Variants in RAPH1 observed in about 807,000 individuals in gnomAD.
RAPH1 encodes the protein Ras association (RalGDS/AF-6) and pleckstrin homology domains 1, also known as ras-associated and pleckstrin homology domains-containing protein 1.
Under a neutral mutation model 88.1 loss-of-function variants are expected in RAPH1, and 18 were observed. The observed-to-expected ratio is 0.20, with a 90% CI of 0.14 to 0.30. The LOEUF (loss-of-function observed/expected upper bound fraction) is 0.30, where lower values mean the gene tolerates loss of function less well. RAPH1 is among the 10% of genes least tolerant of loss of function. RAPH1 has a pLI of 1.00. For synonymous variants in RAPH1, 587 were observed against 559.0 expected (o/e 1.05, Z -0.71); for missense variants, 1,448 against 1,543.2 (o/e 0.94, Z 1.03).
intron 1 of RAPH1, among the ~76,000 whole-genome samples, chr2:203,501,913 T>C (rs947909328): frequency 7.9e-5 from 12 of 151,972 alleles, no homozygotes; most frequent in African/African-American, 2.9e-4. Flanking sequence ...CCTGCAGCCT[T>C]GACCTTCTGG....
intron 1 of RAPH1, among the ~76,000 whole-genome samples, chr2:203,514,744 C>G (rs769236312): frequency 7.4e-4 from 113 of 151,874 alleles, no homozygotes; most frequent in Admixed American, 1.7e-3. Flanking sequence ...TTAGTAGAGA[C>G]GAGGTTTCAC....
At chr2:203,446,470 A>G (rs1206525257) in intron 12 of RAPH1, 2 of 152,234 alleles carry the variant, frequency 1.3e-5, no homozygotes, top group African/African-American at 4.8e-5. Flanking sequence ...GAAGCAAGTC[A>G]CTAAGCACAG....
In RAPH1 at chr2:203,440,524, T is replaced by C. The variant is rs1021635100; in HGVS notation, c.2666A>G (p.Asn889Ser). 3 of 1,534,450 alleles carry C rather than the reference T, an allele frequency of 2.0e-6. No homozygotes were observed. The highest frequency in any genetic ancestry group is 2.1e-5 in the Admixed American group (1 of 48,134). The change falls in exon 14 of 14, where the codon AAT (asparagine) becomes AGT (serine). Residue 889 changes from asparagine (N) to serine (S), a missense_variant. Physicochemically the swap from Asn to Ser is conservative, Grantham distance 46. This residue lies in a region of RAPH1 where 935 missense variants were observed against 890.1 expected (regional missense o/e 1.05). Transcript: ENST00000319170. ...TGCAGGAGGGGACTGTGGAGCTACA[T>C]TTGCTGGGACAGGCTTTAAGGGCTG... is the stretch of plus-strand genomic sequence containing the variant. ...ESQPLKPVPA[N>S]VAPQSPPAVK...
chr2:203,490,069 T>C lies in RAPH1; in HGVS notation c.247A>G (p.Thr83Ala). 6.2e-7 allele frequency: 1 copy of C among 1,610,976 alleles called. No homozygotes were observed. Among genetic ancestry groups the C allele is most frequent in the East Asian group, 2.2e-5 (1 of 44,830 alleles). Residue 83 changes from threonine (T) to alanine (A), a missense_variant, in exon 4 of 14, where the codon ACT becomes GCT. Thr to Ala is a moderately conservative substitution (Grantham distance 58, BLOSUM62 0). This residue lies in a region of RAPH1 where 513 missense variants were observed against 653.1 expected (regional missense o/e 0.79). Coordinates refer to ENST00000319170, the MANE Select transcript of RAPH1 (RefSeq NM_213589.3). The part of the protein sequence containing the change: ...NLNEALNQGE[T>A]VDLDALMADL... ...GCCATCAAGGCATCCAGATCCACAG[T>C]CTCTCCCTGATTCAGAGCTTCTGCA...
chr2:203,453,545 CAAAAAAAAAAAAAAAA>C (rs59304139), intron 10 of RAPH1, among the ~76,000 whole-genome samples: 4 of 28,274 alleles, frequency 1.4e-4, no homozygotes, highest in Non-Finnish European at 1.9e-4. Flanking sequence ...GACCCTGCCT[CAAAAAAAAAAAAAAAA>C]AAAAAAAAAA....
chr2:203,510,371 G>A (rs1323797221), intron 1 of RAPH1, among the ~76,000 whole-genome samples: 3 of 147,868 alleles, frequency 2.0e-5, no homozygotes, highest in South Asian at 2.2e-4. Context: ...GTCCTCTTGA[G>A]GTTCTTGAGG....
At position 203,435,656 on chromosome 2, in the gene RAPH1, G is replaced by T. The variant is rs954138743; in HGVS notation, c.*3781C>A. 2 of 152,106 alleles carry T rather than the reference G, an allele frequency of 1.3e-5. No individual in the cohort carries two copies. Among genetic ancestry groups the T allele is most frequent in the Non-Finnish European group, 2.9e-5 (2 of 68,024 alleles). 9.4% of individuals were successfully genotyped at this position (152,106 alleles called of 1,614,324 possible). ...AGGCATCACATTGATAACCATACAGGATCCTATGGGTTTAACTGGTCTAAA... is the reference window on the plus strand; with the variant it reads ...AGGCATCACATTGATAACCATACAGTATCCTATGGGTTTAACTGGTCTAAA... On this transcript the variant is annotated 3_prime_UTR_variant, in exon 14 of 14. Transcript: ENST00000319170.
chr2:203,523,269 T>C (rs929404021), intron 1 of RAPH1, among the ~76,000 whole-genome samples: 6 of 151,772 alleles, frequency 4.0e-5, no homozygotes, highest in African/African-American at 1.2e-4. Flanking sequence ...GGCGGGCGCC[T>C]GTAGTCCCAG....
rs968293708 is a variant in RAPH1, at chr2:203,435,683, T to G, written c.*3754A>C. On this transcript the variant is annotated 3_prime_UTR_variant, in exon 14 of 14. Coordinates refer to ENST00000319170, the MANE Select transcript of RAPH1 (RefSeq NM_213589.3). ...TCCTATGGGTTTAACTGGTCTAAAC[T>G]TGAGTGGATTAAATCAGTTGTAATT... 13 of 152,224 alleles carry G rather than the reference T, an allele frequency of 8.5e-5. No individual in the cohort carries two copies. Among genetic ancestry groups the G allele is most frequent in the African/African-American group, 3.1e-4 (13 of 41,462 alleles). 9.4% of individuals were successfully genotyped at this position (152,224 alleles called of 1,614,324 possible).
chr2:203,440,712 G>A lies in RAPH1; in HGVS notation c.2478C>T (p.Pro826=), dbSNP rs201546239. 1.2e-6 allele frequency: 2 copies of A among 1,604,236 alleles called. No homozygotes were observed. Among genetic ancestry groups the A allele is most frequent in the African/African-American group, 1.3e-5 (1 of 74,690 alleles). ...QPAFPASYIP[P]SPPTPPVPVP... ...CTGGAACAGGAGGGGTAGGGGGAGA[G>A]GGTGGAATGTAAGAAGCAGGGAAAG... The change falls in exon 14 of 14, where the codon CCC becomes CCT. Residue 826 remains proline, a synonymous_variant. Coordinates refer to ENST00000319170, the MANE Select transcript of RAPH1 (RefSeq NM_213589.3).
At chr2:203,459,809 C>T in intron 7 of RAPH1, 98 bp downstream of exon 7, 1 of 1,235,966 alleles carries the variant, frequency 8.1e-7, no homozygotes. Context: ...TCGCTCCAAC[C>T]AGGTGTTTAC....
At chr2:203,474,798 T>C (rs1381637838) in intron 4 of RAPH1, among the ~76,000 whole-genome samples, 1 of 152,228 alleles carries the variant, frequency 6.6e-6, no homozygotes, top group Non-Finnish European at 1.5e-5. Context: ...TTCATACTAC[T>C]GTTGTCATAT....
intron 4 of RAPH1, among the ~76,000 whole-genome samples, chr2:203,475,205 A>G (rs544010106): frequency 4.3e-4 from 65 of 152,314 alleles, no homozygotes; most frequent in African/African-American, 1.4e-3. Context: ...CAGGAGATCA[A>G]TACCATCCTG....
intron 1 of RAPH1, among the ~76,000 whole-genome samples, chr2:203,500,654 T>G (rs981676078): frequency 1.3e-5 from 2 of 152,204 alleles, no homozygotes; most frequent in Admixed American, 6.5e-5. Flanking sequence ...TTATACTCAC[T>G]TAAGTTTAAC....
intron 1 of RAPH1, among the ~76,000 whole-genome samples, chr2:203,498,260 T>C (rs1360994552): frequency 6.6e-6 from 1 of 152,192 alleles, no homozygotes; most frequent in African/African-American, 2.4e-5. Flanking sequence ...TTAATGAGTA[T>C]TTTAGGCAAT....
intron 4 of RAPH1, among the ~76,000 whole-genome samples, chr2:203,467,717 G>C (rs2153645056): frequency 6.6e-6 from 1 of 152,262 alleles, no homozygotes; most frequent in Admixed American, 6.5e-5. Flanking sequence ...TTTGGGTCCT[G>C]GAAGCAATTC....
intron 1 of RAPH1, among the ~76,000 whole-genome samples, chr2:203,498,732 G>C (rs1007115237): frequency 2.6e-5 from 4 of 151,914 alleles, no homozygotes; most frequent in African/African-American, 9.7e-5. Flanking sequence ...TGCCATACTG[G>C]GAAAAATAAA....
intron 4 of RAPH1, among the ~76,000 whole-genome samples, chr2:203,476,341 T>C (rs571693849): frequency 2.6e-5 from 4 of 152,190 alleles, no homozygotes; most frequent in Non-Finnish European, 5.9e-5. Flanking sequence ...TGGCTAATTT[T>C]TGTATTTTTA....
In RAPH1 at chr2:203,440,078, G is replaced by C. The variant is rs773115405; in HGVS notation, c.3112C>G (p.Pro1038Ala). ...ACACACCCTTGTTGGAGAACTCCAG[G>C]AAGGTTGACTCCAGAAAGATTGAGT... Reference protein sequence around the residue: ...GKLNLSGVNLPGVLQQGCVSA... With the variant: ...GKLNLSGVNLAGVLQQGCVSA... The change falls in exon 14 of 14, where the codon CCT becomes GCT. Residue 1038 changes from proline (P) to alanine (A), a missense_variant. Physicochemically the swap from Pro to Ala is conservative, Grantham distance 27 (BLOSUM62 -1). This residue lies in a region of RAPH1 where 935 missense variants were observed against 890.1 expected (regional missense o/e 1.05). Transcript: ENST00000319170. 2.5e-6 allele frequency: 4 copies of C among 1,613,594 alleles called. No individual in the cohort carries two copies. The highest frequency in any genetic ancestry group is 3.4e-6 in the Non-Finnish European group (4 of 1,179,998).
Sources: gnomAD v4.1 joint callset for allele counts (sites outside exome capture counted in the v4.1 genomes callset) on GRCh38, gnomAD v4.1.1 for gene constraint, gnomAD v4.1.1 regional missense constraint, MANE v1.5 for transcripts, NCBI Gene and HGNC (gene_info 2026-07-23, HGNC 2026-07-21) for gene names.